ARFGEF3: variants seen among roughly 807,000 people sequenced by gnomAD.
The protein encoded by ARFGEF3 is ARFGEF family member 3.
ARFGEF3 carries 96 observed loss-of-function variants against 221.7 expected under a neutral mutation model. The observed-to-expected ratio is 0.43, with a 90% confidence interval of 0.37 to 0.51. The LOEUF is 0.51. ARFGEF3 is among the 20% of genes least tolerant of loss of function. ARFGEF3 has a pLI of 0.00. For synonymous variants in ARFGEF3, 1,145 were observed against 1,126.8 expected (o/e 1.02, Z -0.32); for missense variants, 2,410 against 2,789.9 (o/e 0.86, Z 3.07).
chr6:138,338,129 C>T lies in ARFGEF3; in HGVS notation c.*1643C>T, dbSNP rs1317219694. The T allele has an allele frequency of 2.6e-5, 4 of 152,216 alleles. No individual in the cohort carries two copies. In the East Asian group the frequency reaches 5.8e-4, roughly 22 times the overall value. The allele number at this position is 152,216 out of a possible 1,614,324, so 9.4% of individuals were successfully genotyped here. On this transcript the variant is annotated 3_prime_UTR_variant, in exon 34 of 34. Transcript: ENST00000251691. The stretch of plus-strand genomic sequence containing the variant: ...ATTTTTTTCCCAGTTCCACAAAACA[C>T]TCTGTTTGCCTTCAGTTTTTACTCA...
chr6:138,237,606 GCCA>G (rs1778311720), intron 5 of ARFGEF3, among the ~76,000 whole-genome samples: 1 of 152,142 alleles, frequency 6.6e-6, no homozygotes, highest in Non-Finnish European at 1.5e-5. Flanking sequence ...ACCCAAATAG[GCCA>G]CCCTTGGTGT....
chr6:138,245,188 G>A (rs1431682663), intron 7 of ARFGEF3, among the ~76,000 whole-genome samples: 1 of 152,134 alleles, frequency 6.6e-6, no homozygotes, highest in Non-Finnish European at 1.5e-5. Flanking sequence ...TGTAATCCCA[G>A]CTACTTAGGA....
intron 12 of ARFGEF3, among the ~76,000 whole-genome samples, chr6:138,265,028 C>G (rs1778863015): frequency 6.6e-6 from 1 of 151,928 alleles, no homozygotes; most frequent in South Asian, 2.1e-4. Context: ...CTCAGCCTCC[C>G]AAGTAGCTGG....
In ARFGEF3 at chr6:138,334,872, CG is replaced by C; in HGVS notation, c.6030del (p.Asn2011ThrfsTer15). The C allele has an allele frequency of 6.3e-7, 1 of 1,592,050 alleles. No homozygotes were observed. The highest frequency in any genetic ancestry group is 8.5e-7 in the Non-Finnish European group (1 of 1,169,902). ...PSRKKEWWEN[A>X]GNKIYTMAAD... ...CGGAAGAAGGAGTGGTGGGAGAATG[CG>C]GGGAACAAAATCTACACCATGGCAG... On this transcript the variant is annotated frameshift_variant, in exon 33 of 34. Coordinates refer to ENST00000251691, the MANE Select transcript of ARFGEF3 (RefSeq NM_020340.5). LOFTEE classifies it high-confidence loss of function. This position sits in a 1 kb window ranked among gnomAD's most constrained non-coding sequence, Gnocchi z 5.1.
At chr6:138,255,884 C>A in intron 10 of ARFGEF3, 115 bp downstream of exon 10, 1 of 832,284 alleles carries the variant, frequency 1.2e-6, no homozygotes, top group Non-Finnish European at 1.8e-6. Flanking sequence ...TCATTACTGC[C>A]TCATGGTGTC....
chr6:138,329,990 C>G (rs566891727), intron 32 of ARFGEF3, among the ~76,000 whole-genome samples: 111 of 152,104 alleles, frequency 7.3e-4, no homozygotes, highest in Middle Eastern at 3.4e-3. Flanking sequence ...GGGTTGTTCT[C>G]TGGCAGGCAG....
At chr6:138,206,963 T>G (rs1777634993) in intron 2 of ARFGEF3, 79 bp from the exon 3 acceptor site, 1 of 1,019,414 alleles carries the variant, frequency 9.8e-7, no homozygotes, top group African/African-American at 1.6e-5. Context: ...CATTTGGGGG[T>G]GGGTGTACAT....
At chr6:138,206,581 A>AT (rs1379909869) in intron 2 of ARFGEF3, among the ~76,000 whole-genome samples, 4 of 152,228 alleles carry the variant, frequency 2.6e-5, no homozygotes, top group African/African-American at 9.6e-5. Context: ...ATTTTGATGT[A>AT]TATTGATGAG....
chr6:138,202,099 A>G (rs1777547502), intron 2 of ARFGEF3, among the ~76,000 whole-genome samples: 1 of 152,220 alleles, frequency 6.6e-6, no homozygotes, highest in South Asian at 2.1e-4. Flanking sequence ...ATGTCAGGAC[A>G]TGAAACCTGG....
intron 13 of ARFGEF3, among the ~76,000 whole-genome samples, chr6:138,278,895 C>T (rs754237906): frequency 6.6e-6 from 1 of 152,192 alleles, no homozygotes; most frequent in Non-Finnish European, 1.5e-5. Context: ...CCAGGGATAA[C>T]CCAGTAGTTT....
At chr6:138,172,498 T>C (rs1379596387) in intron 2 of ARFGEF3, among the ~76,000 whole-genome samples, 1 of 152,216 alleles carries the variant, frequency 6.6e-6, no homozygotes, top group Non-Finnish European at 1.5e-5. Context: ...ATGAACATAC[T>C]AGTGTCCATA....
chr6:138,312,186 G>C (rs910962575), intron 25 of ARFGEF3, among the ~76,000 whole-genome samples: 2 of 152,048 alleles, frequency 1.3e-5, no homozygotes, highest in African/African-American at 4.8e-5. Context: ...CTAGTAAAGA[G>C]AATAAAACAG....
intron 15 of ARFGEF3, 104 bp from the exon 16 acceptor site, chr6:138,286,597 C>A: frequency 1.2e-6 from 1 of 827,484 alleles, no homozygotes; most frequent in Non-Finnish European, 2.0e-6. Flanking sequence ...TGTAGAATTG[C>A]ATGCAACTGA....
Position 138,307,380 on chromosome 6 carries a change from T to C in ARFGEF3, c.3956T>C (p.Val1319Ala), listed in dbSNP as rs779758003. ...AAGTCAGAGATGAAGGAGTACCTGG[T>C]TGGTGACTACTCCATGGGTAAGAAT... ...GNKSEMKEYL[V>A]GDYSMGKGQA... The change falls in exon 23 of 34, where the codon GTT becomes GCT. Residue 1319 changes from valine (V) to alanine (A), a missense_variant. Around this residue, in one of 5 missense-constraint regions of ARFGEF3, gnomAD observed 723 missense variants for 991.9 expected, o/e 0.73. Transcript: ENST00000251691. The C allele has an allele frequency of 6.2e-7, 1 of 1,613,786 alleles. No homozygotes were observed. Among genetic ancestry groups the C allele is most frequent in the Non-Finnish European group, 8.5e-7 (1 of 1,179,744 alleles).
intron 8 of ARFGEF3, among the ~76,000 whole-genome samples, chr6:138,246,146 C>T (rs1471842437): frequency 6.6e-6 from 1 of 152,134 alleles, no homozygotes. Flanking sequence ...TTAGGTGATG[C>T]CTGCTGCTCC....
chr6:138,310,433 C>A (rs1779804985), intron 24 of ARFGEF3, among the ~76,000 whole-genome samples: 1 of 152,210 alleles, frequency 6.6e-6, no homozygotes, highest in African/African-American at 2.4e-5. Context: ...TCCATACTAC[C>A]AGGCAGAGTT....
At chr6:138,193,689 A>G (rs1440644233) in intron 2 of ARFGEF3, among the ~76,000 whole-genome samples, 1 of 152,186 alleles carries the variant, frequency 6.6e-6, no homozygotes, top group East Asian at 1.9e-4. Flanking sequence ...ATACCTGGAA[A>G]TTTTTATTTC....
At chr6:138,229,888 G>T (rs1383837778) in intron 5 of ARFGEF3, 36 bp downstream of exon 5, 1 of 1,554,846 alleles carries the variant, frequency 6.4e-7, no homozygotes, top group Non-Finnish European at 8.9e-7. Flanking sequence ...CCTGTTCACA[G>T]CTGCTTTATC....
chr6:138,311,762 G>C (rs909017389), intron 25 of ARFGEF3, among the ~76,000 whole-genome samples: 1 of 152,148 alleles, frequency 6.6e-6, no homozygotes, highest in African/African-American at 2.4e-5. Flanking sequence ...TCAGATGCCT[G>C]AACTACTGGA....
Sources: allele counts gnomAD v4.1 joint callset (sites outside exome capture counted in the v4.1 genomes callset), GRCh38; gene constraint gnomAD v4.1.1; regional missense constraint gnomAD v4.1.1; non-coding constraint Gnocchi (gnomAD v3.1); transcripts MANE v1.5; gene names NCBI Gene and HGNC (gene_info 2026-07-23, HGNC 2026-07-21).